Variants in RFT1 observed in about 807,000 individuals in gnomAD.
RFT1 encodes man(5)GlcNAc(2)-PP-dolichol translocation protein RFT1.
Under a neutral mutation model 62.2 loss-of-function variants are expected in RFT1, and 43 were observed. The observed-to-expected ratio is 0.69, with a 90% CI of 0.54 to 0.89. RFT1 has a LOEUF of 0.89. Among genes scored for constraint, RFT1 ranks in the 40% least tolerant of loss-of-function variants. The probability of loss-of-function intolerance (pLI) is 0.00; values close to 1 mark genes in which losing one functional copy is unlikely to be tolerated. For missense variants in RFT1, 605 were observed against 649.9 expected (o/e 0.93, Z 0.75); for synonymous variants, 262 against 264.6 (o/e 0.99, Z 0.10).
intron 5 of RFT1, among the ~76,000 whole-genome samples, chr3:53,120,398 T>A (rs1055751457): frequency 4.6e-5 from 7 of 152,240 alleles, no homozygotes; most frequent in African/African-American, 1.7e-4. Flanking sequence ...GTATCCTAAC[T>A]GTGTTAATAT....
At chr3:53,075,208 G>T in the RFT1 span, among the ~76,000 whole-genome samples, 1 of 152,206 alleles carries the variant, frequency 6.6e-6, no homozygotes, top group Non-Finnish European at 1.5e-5. Flanking sequence ...GTGTTGCCAT[G>T]ACAACCACAT....
the RFT1 span, among the ~76,000 whole-genome samples, chr3:53,070,393 G>GGTTTTTTT: frequency 1.4e-4 from 12 of 85,444 alleles, 4 homozygotes; most frequent in African/African-American, 1.8e-4. Context: ...CTGTATTATG[G>GGTTTTTTT]TTTTTTTTTT....
Position 53,091,125 on chromosome 3 carries a change from GA to G in RFT1, c.*777del, listed in dbSNP as rs1700975590. Reference sequence around the variant, plus strand: ...CCTCAGGGACAAAGTGGCTCAACTGGATCACAGTTTTCTTCAAAGTCCGCCT... The same window carrying G: ...CCTCAGGGACAAAGTGGCTCAACTGGTCACAGTTTTCTTCAAAGTCCGCCT... On this transcript the variant is annotated 3_prime_UTR_variant, in exon 13 of 13. Transcript: ENST00000296292. 1 of 152,416 alleles carries G rather than the reference GA, an allele frequency of 6.6e-6. No individual in the cohort carries two copies. Among genetic ancestry groups the G allele is most frequent in the African/African-American group, 2.4e-5 (1 of 41,458 alleles). The allele number at this position is 152,416 out of a possible 1,614,324, so 9.4% of individuals were successfully genotyped here.
At chr3:53,092,227 CTT>C (rs1365270925) in intron 12 of RFT1, 140 bp downstream of exon 12, 12 of 1,421,092 alleles carry the variant, frequency 8.4e-6, no homozygotes, top group Non-Finnish European at 1.1e-5. Flanking sequence ...GCAACATTCT[CTT>C]GTCACATTAT....
At chr3:53,116,098 A>C (rs1456641012) in intron 6 of RFT1, among the ~76,000 whole-genome samples, 1 of 152,232 alleles carries the variant, frequency 6.6e-6, no homozygotes, top group Non-Finnish European at 1.5e-5. Context: ...AAGCATCTTT[A>C]AAGAAGATGG....
At chr3:53,092,125 T>A in intron 12 of RFT1, 55 bp from the exon 13 acceptor site, 1 of 1,604,514 alleles carries the variant, frequency 6.2e-7, no homozygotes, top group Non-Finnish European at 8.5e-7. Context: ...CTCCTTCCTC[T>A]GGGACCAGCC....
intron 6 of RFT1, among the ~76,000 whole-genome samples, chr3:53,116,332 C>T (rs1190633513): frequency 1.4e-5 from 2 of 147,804 alleles, no homozygotes; most frequent in African/African-American, 2.5e-5. Flanking sequence ...TTCACTCTGT[C>T]GCCCAGGCTA....
At chr3:53,085,392 T>C (rs1459801420), downstream of RFT1, among the ~76,000 whole-genome samples, 1 of 152,168 alleles carries the variant, frequency 6.6e-6, no homozygotes, top group African/African-American at 2.4e-5. Flanking sequence ...CCAGTGTTCA[T>C]TCGGCCTCAC....
chr3:53,078,266 G>T, the RFT1 span: 1 of 152,386 alleles, frequency 6.6e-6, no homozygotes, highest in Admixed American at 6.5e-5. Flanking sequence ...TGTGAGCACG[G>T]CACAGGTGCG....
chr3:53,067,120 G>A, the RFT1 span, among the ~76,000 whole-genome samples: 1 of 152,212 alleles, frequency 6.6e-6, no homozygotes, highest in Non-Finnish European at 1.5e-5. Context: ...TTGAGCCTAG[G>A]AGTTAGAGAC....
chr3:53,066,928 G>A, the RFT1 span, among the ~76,000 whole-genome samples: 1 of 152,200 alleles, frequency 6.6e-6, no homozygotes, highest in South Asian at 2.1e-4. Context: ...ATCAATAGGA[G>A]AATAAATAAA....
At chr3:53,111,952 C>T in intron 6 of RFT1, 44 bp from the exon 7 acceptor site, 1 of 1,493,750 alleles carries the variant, frequency 6.7e-7, no homozygotes, top group Non-Finnish European at 9.3e-7. Context: ...ACAGGCGTTG[C>T]AAGTCTAAGA....
At chr3:53,092,130 C>G (rs936595223) in intron 12 of RFT1, 60 bp from the exon 13 acceptor site, 3 of 1,592,662 alleles carry the variant, frequency 1.9e-6, no homozygotes, top group Admixed American at 1.7e-5. Flanking sequence ...TCCTCTGGGA[C>G]CAGCCAGGGA....
At chr3:53,122,818 G>C (rs924497757) in intron 3 of RFT1, among the ~76,000 whole-genome samples, 1 of 152,128 alleles carries the variant, frequency 6.6e-6, no homozygotes, top group Non-Finnish European at 1.5e-5. Flanking sequence ...CCAAGGTCAT[G>C]AACAGCTAAT....
chr3:53,124,828 C>T (rs1219438013), intron 2 of RFT1, among the ~76,000 whole-genome samples: 2 of 151,904 alleles, frequency 1.3e-5, no homozygotes, highest in Non-Finnish European at 2.9e-5. Flanking sequence ...AAAAATTATT[C>T]AGGTGTGGCG....
Position 53,121,780 on chromosome 3 carries a change from C to T in RFT1, c.477G>A (p.Ser159=), listed in dbSNP as rs750521781. Residue 159 remains serine (S), a synonymous_variant, in exon 5 of 13, where the codon TCG becomes TCA. Transcript: ENST00000296292. ...CTGTCAGAACGCTCTTAAGAATTAC[C>T]GACAGGCTCTCTGCAATCACCTGCA... The part of the protein sequence containing the change: ...VKLKVIAESL[S]VILKSVLTAF... The T allele has an allele frequency of 2.5e-5, 40 of 1,613,452 alleles. No individual in the cohort carries two copies. Among genetic ancestry groups the T allele is most frequent in the Admixed American group, 2.2e-4 (13 of 59,968 alleles).
chr3:53,118,437 T>C (rs1701869861), intron 6 of RFT1, among the ~76,000 whole-genome samples: 1 of 152,222 alleles, frequency 6.6e-6, no homozygotes, highest in African/African-American at 2.4e-5. Context: ...AAAATCTAGC[T>C]GAGCAGAATG....
At chr3:53,104,386 C>CTT (rs562794641) in intron 9 of RFT1, among the ~76,000 whole-genome samples, 4 of 142,870 alleles carry the variant, frequency 2.8e-5, no homozygotes, top group Non-Finnish European at 3.1e-5. Flanking sequence ...GATATTTGTT[C>CTT]TTTTTTTTTT....
At chr3:53,129,212 A>C (rs1702192784) in intron 1 of RFT1, among the ~76,000 whole-genome samples, 1 of 152,224 alleles carries the variant, frequency 6.6e-6, no homozygotes, top group South Asian at 2.1e-4. Flanking sequence ...AGGTTATCTC[A>C]TTTCATTCCT....
Sources: allele counts gnomAD v4.1 joint callset (sites outside exome capture counted in the v4.1 genomes callset), GRCh38; gene constraint gnomAD v4.1.1; transcripts MANE v1.5; gene names NCBI Gene and HGNC (gene_info 2026-07-23, HGNC 2026-07-21).